The following RAD51B variants were observed in gnomAD, a reference collection of about 807,000 sequenced individuals.
The protein encoded by RAD51B is DNA repair protein RAD51 homolog 2.
RAD51B carries 38 observed loss-of-function variants against 42.2 expected under a neutral mutation model. That is an observed-to-expected ratio of 0.90 (90% CI 0.70 to 1.18). RAD51B has a LOEUF of 1.18. RAD51B is among the 50% of genes most tolerant of loss of function. RAD51B has a pLI of 0.00. For synonymous variants in RAD51B, 154 were observed against 145.2 expected (o/e 1.06, Z -0.43); for missense variants, 373 against 400.7 (o/e 0.93, Z 0.59).
chr14:68,421,631 G>T, intron 9 of RAD51B: 5 of 1,283,410 alleles, frequency 3.9e-6, no homozygotes, highest in Non-Finnish European at 4.4e-6. Flanking sequence ...AGCAAACGGG[G>T]TGGAGGGGTG....
At chr14:68,031,508 C>G (rs191840354) in intron 7 of RAD51B, among the ~76,000 whole-genome samples, 1 of 152,136 alleles carries the variant, frequency 6.6e-6, no homozygotes, top group East Asian at 1.9e-4. Flanking sequence ...GTAACAAAAA[C>G]ACATGAAGTT....
intron 6 of RAD51B, among the ~76,000 whole-genome samples, chr14:67,886,432 C>G (rs1188946706): frequency 1.3e-5 from 2 of 152,020 alleles, no homozygotes; most frequent in East Asian, 1.9e-4. Flanking sequence ...TTCCAAGCTC[C>G]CTAATATAGT....
intron 10 of RAD51B, among the ~76,000 whole-genome samples, chr14:68,629,946 G>T (rs1192342163): frequency 6.6e-6 from 1 of 152,250 alleles, no homozygotes; most frequent in Non-Finnish European, 1.5e-5. Flanking sequence ...GGCGAGCCTG[G>T]AGGCCAAGCC....
At position 68,127,604 on chromosome 14, in the gene RAD51B, AACACACACACACACACACACACAC is replaced by A. The variant is rs1158570155; in HGVS notation, c.757-164252_757-164229del. On this transcript the variant is annotated intron_variant, in intron 7 of 10. Transcript: ENST00000471583. ...TTCATAAATAACAATTGTACATTGTAACACACACACACACACACACACACACACACACACACACACACACACACA... is the reference window on the plus strand; with the variant it reads ...TTCATAAATAACAATTGTACATTGTAACACACACACACACACACACACACA... 1.8e-3 allele frequency among the ~76,000 whole-genome samples: 239 copies of A among 133,632 alleles called. 1 individual carries two copies. The highest frequency in any genetic ancestry group is 6.0e-3 in the African/African-American group (215 of 35,576). 87.7% of individuals were successfully genotyped at this position (133,632 alleles called of 152,430 possible).
chr14:67,998,176 T>G (rs1249246397), intron 7 of RAD51B, among the ~76,000 whole-genome samples: 1 of 152,218 alleles, frequency 6.6e-6, no homozygotes, highest in Non-Finnish European at 1.5e-5. Flanking sequence ...ACTTTTAACC[T>G]TTTACCCCTT....
intron 7 of RAD51B, among the ~76,000 whole-genome samples, chr14:68,029,196 T>C (rs918709914): frequency 6.6e-6 from 1 of 152,218 alleles, no homozygotes; most frequent in African/African-American, 2.4e-5. Context: ...GTGTTTCTTC[T>C]CTGAAGATCC....
chr14:68,075,410 G>A lies in RAD51B; in HGVS notation c.756+188206G>A, dbSNP rs34756851. 8.7e-3 allele frequency among the ~76,000 whole-genome samples: 1,323 copies of A among 152,266 alleles called. 17 individuals are homozygous for A. The highest frequency in any genetic ancestry group is 0.03 in the African/African-American group (1,235 of 41,560). On this transcript the variant is annotated intron_variant, in intron 7 of 10. Coordinates refer to ENST00000471583, the MANE Select transcript of RAD51B (RefSeq NM_133510.4). Reference sequence around the variant, plus strand: ...AGCTCCACCCCAGAAAAACAGAGCTGTTGCCAGTGGGAATGTTCAGCTGGG... The same window carrying A: ...AGCTCCACCCCAGAAAAACAGAGCTATTGCCAGTGGGAATGTTCAGCTGGG...
At chr14:68,181,469 CCTTT>C (rs1353194345) in intron 7 of RAD51B, among the ~76,000 whole-genome samples, 2 of 152,192 alleles carry the variant, frequency 1.3e-5, no homozygotes, top group African/African-American at 4.8e-5. Context: ...ATACCAAGGA[CCTTT>C]CTATCTGTCC....
At chr14:68,143,098 A>G (rs1595462479) in intron 7 of RAD51B, among the ~76,000 whole-genome samples, 1 of 152,002 alleles carries the variant, frequency 6.6e-6, no homozygotes, top group South Asian at 2.1e-4. Flanking sequence ...GACTGGCTGG[A>G]TGGGGATGAG....
chr14:68,275,944 A>G (rs929616614), intron 7 of RAD51B, among the ~76,000 whole-genome samples: 1 of 152,100 alleles, frequency 6.6e-6, no homozygotes, highest in African/African-American at 2.4e-5. Flanking sequence ...TTATGTAGAC[A>G]TCTTGCTTCT....
At chr14:68,160,865 C>T (rs998844080) in intron 7 of RAD51B, among the ~76,000 whole-genome samples, 2 of 152,190 alleles carry the variant, frequency 1.3e-5, no homozygotes, top group African/African-American at 4.8e-5. Context: ...AAGTGCTTTT[C>T]ATTGGCTTGA....
intron 8 of RAD51B, among the ~76,000 whole-genome samples, chr14:68,353,142 T>G (rs533160246): frequency 1.1e-4 from 17 of 152,166 alleles, no homozygotes; most frequent in Non-Finnish European, 2.4e-4. Context: ...GTTGCTTTCC[T>G]CACACCCAGG....
At chr14:68,254,153 A>G (rs1032844213) in intron 7 of RAD51B, among the ~76,000 whole-genome samples, 1 of 152,176 alleles carries the variant, frequency 6.6e-6, no homozygotes, top group Non-Finnish European at 1.5e-5. Flanking sequence ...TGTTTCTGCA[A>G]TTGTTTATTT....
Position 68,022,846 on chromosome 14 carries a change from G to A in RAD51B, c.756+135642G>A, listed in dbSNP as rs988954521. 3.0e-4 allele frequency among the ~76,000 whole-genome samples: 46 copies of A among 151,902 alleles called. 1 individual carries two copies. Among genetic ancestry groups the A allele is most frequent in the Admixed American group, 2.6e-3 (40 of 15,248 alleles). On this transcript the variant is annotated intron_variant, in intron 7 of 10. Coordinates refer to ENST00000471583, the MANE Select transcript of RAD51B (RefSeq NM_133510.4). ...GTGGGCTCTATTGTCTATTTTCTTC[G>A]TTATGTCCTGGTGTACTCAATATTT...
At chr14:68,132,286 A>C (rs964308060) in intron 7 of RAD51B, among the ~76,000 whole-genome samples, 1 of 152,014 alleles carries the variant, frequency 6.6e-6, no homozygotes, top group African/African-American at 2.4e-5. Context: ...TTATCAAAAT[A>C]GTAAGGAAAT....
intron 7 of RAD51B, among the ~76,000 whole-genome samples, chr14:68,067,231 G>A (rs2076665667): frequency 6.6e-6 from 1 of 152,142 alleles, no homozygotes; most frequent in African/African-American, 2.4e-5. Flanking sequence ...GGGAGGCCGA[G>A]GTGGGCAGAT....
intron 11 of RAD51B, among the ~76,000 whole-genome samples, chr14:68,669,441 C>T (rs1422251479): frequency 1.3e-5 from 2 of 152,196 alleles, no homozygotes; most frequent in African/African-American, 2.4e-5. Context: ...CCAGCCAGCC[C>T]CTTGGGCCTA....
Position 68,648,093 on chromosome 14 carries a change from GTA to G in RAD51B, c.1037-2677_1037-2676del, listed in dbSNP as rs1286172163. Among the ~76,000 whole-genome samples, 84 of 15,714 alleles carry G rather than the reference GTA, an allele frequency of 5.3e-3. 2 individuals are homozygous for G. The highest frequency in any genetic ancestry group is 9.4e-3 in the African/African-American group (68 of 7,254). 10.3% of individuals were successfully genotyped at this position (15,714 alleles called of 152,430 possible). ...TATATACACGTATATATACGTGTGT[GTA>G]TATATATATACACACACGTATATAT... On this transcript the variant is annotated intron_variant, in intron 10 of 11. Coordinates refer to the RAD51B transcript ENST00000488612.
At chr14:68,471,416 A>G (rs931895286) in intron 10 of RAD51B, among the ~76,000 whole-genome samples, 6 of 152,004 alleles carry the variant, frequency 3.9e-5, no homozygotes, top group African/African-American at 1.5e-4. Context: ...AAGCAGAGGG[A>G]GGGAATAAAA....
Sources: allele counts gnomAD v4.1 joint callset (sites outside exome capture counted in the v4.1 genomes callset), GRCh38; gene constraint gnomAD v4.1.1; transcripts MANE v1.5; gene names NCBI Gene and HGNC (gene_info 2026-07-23, HGNC 2026-07-21).